The following MYH3 variants were observed in gnomAD, a reference collection of about 807,000 sequenced individuals.
MYH3 encodes the protein myosin-3.
A neutral mutation model predicts 238.0 loss-of-function variants in MYH3; 130 were observed. That is an observed-to-expected ratio of 0.55 (90% CI 0.47 to 0.63). MYH3 has a LOEUF of 0.63. MYH3 is among the 30% of genes least tolerant of loss of function. MYH3 has a pLI of 0.00. For synonymous variants in MYH3, 880 were observed against 924.1 expected (o/e 0.95, Z 0.86); for missense variants, 1,853 against 2,374.9 (o/e 0.78, Z 4.57).
Position 10,651,567 on chromosome 17 carries a change from C to T in MYH3, c.450G>A (p.Glu150=). The part of the protein sequence containing the change: ...VEGYRGKKRQ[E]APPHIFSISD... Reference sequence around the variant, plus strand: ...AGATGGAGAAGATGTGGGGTGGGGCCTCCTGGCGCTTTTTGCCTCGGTAGC... The same window carrying T: ...AGATGGAGAAGATGTGGGGTGGGGCTTCCTGGCGCTTTTTGCCTCGGTAGC... The change falls in exon 5 of 41, where the codon GAG becomes GAA. Residue 150 remains glutamate (E), a synonymous_variant. Coordinates refer to ENST00000583535, the MANE Select transcript of MYH3 (RefSeq NM_002470.4). The T allele has an allele frequency of 6.2e-7, 1 of 1,613,992 alleles. No individual in the cohort carries two copies. The highest frequency in any genetic ancestry group is 8.5e-7 in the Non-Finnish European group (1 of 1,179,942).
the MYH3 span, among the ~76,000 whole-genome samples, chr17:10,664,183 C>G: frequency 1.3e-5 from 2 of 151,426 alleles, no homozygotes; most frequent in East Asian, 3.9e-4. Flanking sequence ...TAAAAACTCA[C>G]TGTTAATGCA....
At position 10,638,328 on chromosome 17, in the gene MYH3, G is replaced by A. The variant is rs758807355; in HGVS notation, c.3444C>T (p.Ser1148=). 6.2e-6 allele frequency: 10 copies of A among 1,611,954 alleles called. No homozygotes were observed. The highest frequency in any genetic ancestry group is 1.1e-5 in the South Asian group (1 of 91,056). ...CGCCTCCCGCCTCCTCCAGCCGCTC[G>A]CTCAGCTCCTCCAGCTCCCGGGCAT... ...SDYARELEEL[S]ERLEEAGGVT... The change falls in exon 27 of 41, where the codon AGC becomes AGT. Residue 1148 remains serine (S), a synonymous_variant. Transcript: ENST00000583535.
In MYH3 at chr17:10,638,120, G is replaced by C. The variant is rs1421092166; in HGVS notation, c.3652C>G (p.Leu1218Val). 1.2e-6 allele frequency: 2 copies of C among 1,613,694 alleles called. No homozygotes were observed. The highest frequency in any genetic ancestry group is 1.7e-6 in the Non-Finnish European group (2 of 1,179,976). The change falls in exon 27 of 41, where the codon CTG becomes GTG. Residue 1218 changes from leucine (L) to valine (V), a missense_variant. By Grantham distance (32) the Leu-to-Val change is conservative. Coordinates refer to ENST00000583535, the MANE Select transcript of MYH3 (RefSeq NM_002470.4). ...TTGAACTCGCTCTTCTCCTTCTCCA[G>C]CTTCTGCTTGACCCGCTGCAGGTTG... ...IDNLQRVKQK[L>V]EKEKSEFKLE...
At chr17:10,668,465 T>C in the MYH3 span, among the ~76,000 whole-genome samples, 3 of 151,900 alleles carry the variant, frequency 2.0e-5, no homozygotes, top group Non-Finnish European at 4.4e-5. Context: ...ATCAAAGAGA[T>C]AGAACAAAAT....
Position 10,635,385 on chromosome 17 carries a change from T to C in MYH3, c.4154A>G (p.Glu1385Gly), listed in dbSNP as rs769576245. The C allele has an allele frequency of 1.2e-6, 2 of 1,614,046 alleles. No homozygotes were observed. Among genetic ancestry groups the C allele is most frequent in the South Asian group, 1.1e-5 (1 of 91,082 alleles). ...KYETDAIQRT[E>G]ELEEAKKKLA... ...TGCGCACTTGGCCTCCTCCAGCTCT[T>C]CTGTGCGCTGGATGGCGTCCGTCTC... The change falls in exon 30 of 41, where the codon GAA (glutamate) becomes GGA (glycine). Residue 1385 changes from glutamate to glycine, a missense_variant. By Grantham distance (98) the Glu-to-Gly change is moderately conservative. Coordinates refer to ENST00000583535, the MANE Select transcript of MYH3 (RefSeq NM_002470.4).
the MYH3 span, among the ~76,000 whole-genome samples, chr17:10,666,578 C>CAAAA: frequency 1.5e-5 from 1 of 68,570 alleles, no homozygotes; most frequent in Non-Finnish European, 2.7e-5. Flanking sequence ...CTTGTCTCTA[C>CAAAA]AAAAAAAAAA....
chr17:10,640,802 G>A lies in MYH3; in HGVS notation c.2166-116C>T, dbSNP rs1270960278. 3.7e-6 allele frequency: 5 copies of A among 1,339,030 alleles called. No homozygotes were observed. The East Asian group carries it at 1.0e-4, about 27-fold the overall frequency. The allele number at this position is 1,339,030 out of a possible 1,614,324, so 82.9% of individuals were successfully genotyped here. A position where few individuals can be genotyped will look rare whatever the true frequency, so the allele number is the denominator to read the frequency against. On this transcript the variant is annotated intron_variant, in intron 19 of 40. Coordinates refer to ENST00000583535, the MANE Select transcript of MYH3 (RefSeq NM_002470.4). ...GAAGGCCAAGGTCCCAGGAGATGAG[G>A]GAACTAGCTCGGAGTCACATTGCTA...
chr17:10,659,895 C>T (rs992741115), upstream of MYH3, among the ~76,000 whole-genome samples: 1 of 152,212 alleles, frequency 6.6e-6, no homozygotes, highest in Non-Finnish European at 1.5e-5. Flanking sequence ...AGGGACAGCA[C>T]CCACGGCAGT....
At chr17:10,661,041 A>G (rs983107186), upstream of MYH3, among the ~76,000 whole-genome samples, 2 of 150,982 alleles carry the variant, frequency 1.3e-5, no homozygotes, top group Non-Finnish European at 3.0e-5. Flanking sequence ...CGATGGCGCT[A>G]TCTTAGCTCA....
the MYH3 span, among the ~76,000 whole-genome samples, chr17:10,665,818 G>T: frequency 6.6e-6 from 1 of 151,826 alleles, no homozygotes; most frequent in South Asian, 2.1e-4. Context: ...ACTGAAAAAA[G>T]AAAAGCCACA....
At chr17:10,649,974 T>C (rs2074359832) in intron 6 of MYH3, among the ~76,000 whole-genome samples, 1 of 151,248 alleles carries the variant, frequency 6.6e-6, no homozygotes, top group East Asian at 1.9e-4. Flanking sequence ...TTTTTCTCTT[T>C]TATTTTTTAT....
rs767031809 is a variant in MYH3 at position 10,654,990 on chromosome 17, G to A, written c.75C>T (p.Ile25=). The part of the protein sequence containing the change: ...PFLRKSEKER[I]EAQNQPFDAK... ...CATCAAAGGGCTGGTTCTGAGCCTC[G>A]ATCCTCTCCTTTTCTGACTTCCGGA... is the stretch of plus-strand genomic sequence containing the variant. Residue 25 remains isoleucine, a synonymous_variant, in exon 3 of 41, where the codon ATC becomes ATT. Transcript: ENST00000583535. This position sits in a 1 kb window ranked among gnomAD's most constrained non-coding sequence, Gnocchi z 4.5. 19 of 1,614,002 alleles carry A rather than the reference G, an allele frequency of 1.2e-5. No individual in the cohort carries two copies. The highest frequency in any genetic ancestry group is 9.9e-5 in the South Asian group (9 of 91,080).
rs902245017 is a variant in MYH3, at chr17:10,631,872, T to G, written c.5101A>C (p.Lys1701Gln). Residue 1701 changes from lysine (K) to glutamine (Q), a missense_variant, in exon 35 of 41, where the codon AAA (lysine) becomes CAA (glutamine). By Grantham distance (53) the Lys-to-Gln change is moderately conservative. Coordinates refer to ENST00000583535, the MANE Select transcript of MYH3 (RefSeq NM_002470.4). ...TCCAGGAGCTCCTGTTCCGCCAGTT[T>G]CCGGGCCCTCTCCGTCTGCTCCAGA... ...ATLEQTERAR[K>Q]LAEQELLDSN... is the part of the protein sequence containing the mutation. 3.1e-6 allele frequency: 5 copies of G among 1,614,004 alleles called. No homozygotes were observed. The highest frequency in any genetic ancestry group is 4.2e-6 in the Non-Finnish European group (5 of 1,180,032).
At chr17:10,675,865 T>C in the MYH3 span, 2 of 152,070 alleles carry the variant, frequency 1.3e-5, no homozygotes, top group African/African-American at 2.4e-5. Flanking sequence ...TTCCCTAGGG[T>C]TGTGTCTTCC....
chr17:10,666,981 C>T, the MYH3 span, among the ~76,000 whole-genome samples: 1 of 152,232 alleles, frequency 6.6e-6, no homozygotes, highest in East Asian at 1.9e-4. Context: ...ATGAAAAATG[C>T]TTACCTTTCC....
At position 10,638,955 on chromosome 17, in the gene MYH3, A is replaced by C. The variant is rs759856442; in HGVS notation, c.3257T>G (p.Phe1086Cys). The C allele has an allele frequency of 6.2e-7, 1 of 1,614,172 alleles. No individual in the cohort carries two copies. Among genetic ancestry groups the C allele is most frequent in the Non-Finnish European group, 8.5e-7 (1 of 1,180,000 alleles). Residue 1086 changes from phenylalanine to cysteine, a missense_variant, in exon 26 of 41, where the codon TTT becomes TGT. By Grantham distance (205) the Phe-to-Cys change is radical (BLOSUM62 -2). Coordinates refer to ENST00000583535, the MANE Select transcript of MYH3 (RefSeq NM_002470.4). ...TTTGCTTTGAAGTTGACAATATTCA[A>C]AATCTTTCCTGTGAAGAGAAATGTA... ...QLDERLKKKD[F>C]EYCQLQSKVE...
Position 10,644,165 on chromosome 17 carries a change from A to AAC in MYH3, c.1410+185_1410+186insGT, listed in dbSNP as rs1555526622. Among the ~76,000 whole-genome samples, 269 of 148,482 alleles carry AAC rather than the reference A, an allele frequency of 1.8e-3. 2 individuals are homozygous for AAC. Among genetic ancestry groups the AAC allele is most frequent in the African/African-American group, 6.3e-3 (260 of 40,952 alleles). ...GGGTGAAACTCAGTCTCAAAAAAAA[A>AAC]AAACAAACAAAAAACCCTAATACAA... On this transcript the variant is annotated intron_variant, in intron 14 of 40. Coordinates refer to ENST00000583535, the MANE Select transcript of MYH3 (RefSeq NM_002470.4).
chr17:10,639,004 A>G, intron 25 of MYH3, 40 bp downstream of exon 25: 1 of 1,614,180 alleles, frequency 6.2e-7, no homozygotes, highest in Non-Finnish European at 8.5e-7. Context: ...CAAAATACAC[A>G]GTAACTTGCA....
chr17:10,644,093 G>A (rs1021688028), intron 14 of MYH3, among the ~76,000 whole-genome samples: 1 of 151,520 alleles, frequency 6.6e-6, no homozygotes, highest in Non-Finnish European at 1.5e-5. Context: ...TCAGGAAGAG[G>A]TTGCAGTGAG....
Sources: gnomAD v4.1 joint callset for allele counts (sites outside exome capture counted in the v4.1 genomes callset) on GRCh38, gnomAD v4.1.1 for gene constraint, Gnocchi (gnomAD v3.1) non-coding constraint, MANE v1.5 for transcripts, NCBI Gene and HGNC (gene_info 2026-07-23, HGNC 2026-07-21) for gene names.